PTPRD: variants seen among roughly 807,000 people sequenced by gnomAD.
The protein encoded by PTPRD is protein tyrosine phosphatase receptor type D.
A neutral mutation model predicts 214.5 loss-of-function variants in PTPRD; 34 were observed. The ratio of observed to expected loss-of-function variants is 0.16; its 90% CI spans 0.12 to 0.21. PTPRD has a LOEUF of 0.21. PTPRD is among the 10% of genes least tolerant of loss of function. The pLI is 1.00. For synonymous variants in PTPRD, 1,128 were observed against 845.7 expected, an observed-to-expected ratio of 1.33 and a Z score of -5.79; for missense variants, 2,545 against 2,398.7, an observed-to-expected ratio of 1.06 and a Z score of -1.27.
In PTPRD at chr9:10,488,163, C is replaced by A. The variant is rs10809098; in HGVS notation, c.-600+124235G>T. Reference sequence around the variant, plus strand: ...CGGGTGGATCACAAGGTCAGGAGATCGAGACCATCCTGGCTAACACGATGA... The same window carrying A: ...CGGGTGGATCACAAGGTCAGGAGATAGAGACCATCCTGGCTAACACGATGA... On this transcript the variant is annotated intron_variant, in intron 2 of 45. Coordinates refer to ENST00000381196, the MANE Select transcript of PTPRD (RefSeq NM_002839.4). 2.0e-5 allele frequency among the ~76,000 whole-genome samples: 3 copies of A among 151,412 alleles called. No individual in the cohort carries two copies. The East Asian group carries it at 5.9e-4, about 30-fold the overall frequency.
chr9:10,227,101 T>G (rs1310913769), intron 3 of PTPRD, among the ~76,000 whole-genome samples: 1 of 151,892 alleles, frequency 6.6e-6, no homozygotes, highest in Non-Finnish European at 1.5e-5. Flanking sequence ...ACACGAAAAA[T>G]TAATAGAAAA....
At chr9:10,566,138 T>G (rs1406344855) in intron 2 of PTPRD, among the ~76,000 whole-genome samples, 2 of 152,036 alleles carry the variant, frequency 1.3e-5, no homozygotes, top group Non-Finnish European at 2.9e-5. Context: ...GCTCAGGTAC[T>G]CATCACATTA....
chr9:10,436,602 T>TA (rs2154522134), intron 2 of PTPRD, among the ~76,000 whole-genome samples: 1 of 151,632 alleles, frequency 6.6e-6, no homozygotes, highest in Admixed American at 6.6e-5. Flanking sequence ...CACACACACA[T>TA]ATACACACAC....
At chr9:9,256,505 C>T (rs1021035478) in intron 9 of PTPRD, among the ~76,000 whole-genome samples, 5 of 151,698 alleles carry the variant, frequency 3.3e-5, no homozygotes, top group Non-Finnish European at 4.4e-5. Flanking sequence ...CAGCCCTAAA[C>T]GCTGACCTAA....
chr9:9,200,321 A>G (rs2099941131), intron 9 of PTPRD, among the ~76,000 whole-genome samples: 1 of 152,188 alleles, frequency 6.6e-6, no homozygotes, highest in Admixed American at 6.5e-5. Context: ...CATTTAACCC[A>G]ATTTGAATGT....
chr9:10,208,519 A>G (rs2099497749), intron 3 of PTPRD, among the ~76,000 whole-genome samples: 2 of 152,244 alleles, frequency 1.3e-5, no homozygotes, highest in Admixed American at 6.5e-5. Context: ...GTCTCAAAAA[A>G]TAAAAAGACT....
chr9:9,793,177 T>C (rs1237724758), intron 5 of PTPRD, among the ~76,000 whole-genome samples: 1 of 152,076 alleles, frequency 6.6e-6, no homozygotes, highest in Non-Finnish European at 1.5e-5. Flanking sequence ...ATTTTTAGTC[T>C]CCTATATTCA....
chr9:9,977,481 T>A (rs1387885285), intron 4 of PTPRD, among the ~76,000 whole-genome samples: 3 of 152,142 alleles, frequency 2.0e-5, no homozygotes, highest in African/African-American at 7.2e-5. Context: ...AAAAATAAAT[T>A]CATAAACATA....
chr9:9,944,081 G>A (rs2092145543), intron 4 of PTPRD, among the ~76,000 whole-genome samples: 4 of 152,166 alleles, frequency 2.6e-5, no homozygotes, highest in Admixed American at 1.3e-4. Context: ...AAATACAGAG[G>A]AGAAAGGCTT....
chr9:9,619,966 T>C (rs2154352094), intron 7 of PTPRD, among the ~76,000 whole-genome samples: 1 of 151,546 alleles, frequency 6.6e-6, no homozygotes, highest in Middle Eastern at 3.4e-3. Context: ...TATCTCCACA[T>C]ATATATGGAG....
chr9:8,794,411 A>C (rs899304712), intron 11 of PTPRD, among the ~76,000 whole-genome samples: 1 of 152,020 alleles, frequency 6.6e-6, no homozygotes, highest in Non-Finnish European at 1.5e-5. Context: ...TCTTTTATCT[A>C]TATCACACTA....
chr9:10,039,671 C>G (rs1364051713), intron 3 of PTPRD, among the ~76,000 whole-genome samples: 1 of 150,694 alleles, frequency 6.6e-6, no homozygotes, highest in Non-Finnish European at 1.5e-5. Context: ...GTTTTCTTTT[C>G]TGGGGGAAAA....
chr9:8,476,157 A>AT (rs988808815), intron 30 of PTPRD, among the ~76,000 whole-genome samples: 3 of 151,904 alleles, frequency 2.0e-5, no homozygotes, highest in African/African-American at 7.3e-5. Flanking sequence ...ATGGAAGAAA[A>AT]TTTTTCCACG....
chr9:8,724,085 G>A (rs1444866511), intron 12 of PTPRD, among the ~76,000 whole-genome samples: 1 of 152,074 alleles, frequency 6.6e-6, no homozygotes, highest in East Asian at 1.9e-4. Flanking sequence ...ACTGATTCTG[G>A]ATTCCACATT....
intron 11 of PTPRD, among the ~76,000 whole-genome samples, chr9:8,884,568 G>C (rs905985200): frequency 5.9e-5 from 9 of 152,232 alleles, no homozygotes; most frequent in African/African-American, 2.2e-4. Context: ...AGGCACTATG[G>C]AGCCAGAGAG....
At chr9:9,139,082 C>A (rs1332758631) in intron 10 of PTPRD, among the ~76,000 whole-genome samples, 1 of 152,060 alleles carries the variant, frequency 6.6e-6, no homozygotes, top group African/African-American at 2.4e-5. Flanking sequence ...TTCTTACTAG[C>A]TATGCAGGAG....
chr9:9,256,157 T>C (rs547990089), intron 9 of PTPRD, among the ~76,000 whole-genome samples: 44 of 152,074 alleles, frequency 2.9e-4, no homozygotes, highest in Admixed American at 6.6e-4. Context: ...TAGAAATGAA[T>C]GACAGAGCCA....
intron 7 of PTPRD, among the ~76,000 whole-genome samples, chr9:9,676,944 A>G (rs926126872): frequency 6.6e-6 from 1 of 152,114 alleles, no homozygotes; most frequent in Admixed American, 6.5e-5. Flanking sequence ...GTGTCTGTTC[A>G]TATCCTTCGC....
intron 11 of PTPRD, among the ~76,000 whole-genome samples, chr9:8,854,880 A>G (rs1000100678): frequency 6.6e-6 from 1 of 152,170 alleles, no homozygotes; most frequent in Non-Finnish European, 1.5e-5. Flanking sequence ...TCAGTCCAAT[A>G]AAGAAAAGTT....
Sources: allele counts gnomAD v4.1 joint callset (sites outside exome capture counted in the v4.1 genomes callset), GRCh38; gene constraint gnomAD v4.1.1; transcripts MANE v1.5; gene names NCBI Gene and HGNC (gene_info 2026-07-23, HGNC 2026-07-21).